Variants in ZC4H2 observed in about 807,000 individuals in gnomAD.
ZC4H2 encodes zinc finger C4H2-type containing.
For synonymous variants in ZC4H2, 84 were observed against 66.3 expected, an observed-to-expected ratio of 1.27 and a Z score of -1.30; for missense variants, 137 against 173.9, an observed-to-expected ratio of 0.79 and a Z score of 1.19.
chrX:64,956,178 C>T (rs1301722295), intron 1 of ZC4H2, among the ~76,000 whole-genome samples: 2 of 111,638 alleles, frequency 1.8e-5, no homozygotes, highest in African/African-American at 3.3e-5. Flanking sequence ...TGGCACTTGT[C>T]GCCTATGGAG....
At chrX:65,017,391 G>A (rs1932804506) in intron 1 of ZC4H2, among the ~76,000 whole-genome samples, 1 of 112,326 alleles carries the variant, frequency 8.9e-6, no homozygotes, top group African/African-American at 3.2e-5. Flanking sequence ...AGTACTGCAT[G>A]GTAGCATAGT....
intron 1 of ZC4H2, among the ~76,000 whole-genome samples, chrX:64,926,602 G>T (rs1033113278): frequency 2.7e-5 from 3 of 111,604 alleles, no homozygotes; most frequent in Admixed American, 1.9e-4. Flanking sequence ...ATCTTAATTT[G>T]CATTTCCCTA....
intron 1 of ZC4H2, among the ~76,000 whole-genome samples, chrX:64,925,968 A>G (rs768509622): frequency 1.8e-5 from 2 of 112,219 alleles, no homozygotes; most frequent in Admixed American, 9.4e-5. Flanking sequence ...GACCCTGACT[A>G]AAGGGCAGAA....
chrX:64,919,150 G>C lies in ZC4H2; in HGVS notation c.453C>G (p.Ile151Met), dbSNP rs757972020. The change falls in exon 4 of 5, where the codon ATC (isoleucine) becomes ATG (methionine). Residue 151 changes from isoleucine (I) to methionine (M), a missense_variant. Physicochemically the swap from Ile to Met is conservative, Grantham distance 10 (BLOSUM62 1). Transcript: ENST00000374839. Reference sequence around the variant, plus strand: ...CGGCTGCAGCGGCCAGGGACTCAGGGATGGGGGGCTCCTGAGGTTCTGTCT... The same window carrying C: ...CGGCTGCAGCGGCCAGGGACTCAGGCATGGGGGGCTCCTGAGGTTCTGTCT... Reference protein sequence around the residue: ...EWQTEPQEPPIPESLAAAAAA... With the variant: ...EWQTEPQEPPMPESLAAAAAA... 8.3e-6 allele frequency: 10 copies of C among 1,210,764 alleles called. No homozygotes were observed. Among genetic ancestry groups the C allele is most frequent in the Non-Finnish European group, 1.1e-5 (10 of 894,944 alleles).
At chrX:64,954,875 C>G (rs1249155384) in intron 1 of ZC4H2, among the ~76,000 whole-genome samples, 1 of 111,246 alleles carries the variant, frequency 9.0e-6, no homozygotes, top group East Asian at 2.8e-4. Flanking sequence ...TGAATAAACT[C>G]CACGGTCTAA....
At chrX:64,965,916 T>A (rs1602425244) in intron 1 of ZC4H2, among the ~76,000 whole-genome samples, 1 of 75,582 alleles carries the variant, frequency 1.3e-5, no homozygotes, top group Non-Finnish European at 2.4e-5. Context: ...CCAGCTTGGG[T>A]GGCGGAGTGA....
chrX:65,034,718 CCAGCGGTGG>C (rs776745900), upstream of ZC4H2: 33 of 113,177 alleles, frequency 2.9e-4, 2 homozygotes, highest in Non-Finnish European at 1.5e-4. Context: ...GACAGCGGCG[CCAGCGGTGG>C]CAGCAGTCGC....
intron 1 of ZC4H2, among the ~76,000 whole-genome samples, chrX:64,946,394 A>G (rs1602406235): frequency 9.0e-6 from 1 of 110,776 alleles, no homozygotes; most frequent in African/African-American, 3.3e-5. Context: ...GTGACACCCC[A>G]CCCTGATTCT....
Position 64,973,700 on chromosome X carries a change from T to G in ZC4H2, c.53+2625A>C, listed in dbSNP as rs1478945314. 3.0e-4 allele frequency among the ~76,000 whole-genome samples: 33 copies of G among 111,494 alleles called. 1 individual carries two copies. Among genetic ancestry groups the G allele is most frequent in the Non-Finnish European group, 1.1e-4 (6 of 53,044 alleles). On this transcript the variant is annotated intron_variant, in intron 1 of 4. Transcript: ENST00000374839. Reference sequence around the variant, plus strand: ...GGGTATATCTAAATTCCTTAGTATTTCTTCATTGGAGAATGTCTTGATTAC... The same window carrying G: ...GGGTATATCTAAATTCCTTAGTATTGCTTCATTGGAGAATGTCTTGATTAC...
At chrX:65,033,270 A>C (rs896007114) in intron 1 of ZC4H2, among the ~76,000 whole-genome samples, 4 of 112,715 alleles carry the variant, frequency 3.5e-5, no homozygotes, top group Non-Finnish European at 7.5e-5. Flanking sequence ...AAAAAGATCA[A>C]GTAAATAAGC....
intron 1 of ZC4H2, among the ~76,000 whole-genome samples, chrX:65,010,596 G>T (rs922245713): frequency 2.7e-5 from 3 of 111,698 alleles, no homozygotes; most frequent in Non-Finnish European, 3.8e-5. Flanking sequence ...CTTTGTAAAA[G>T]AGCCACAAAT....
At chrX:65,024,740 G>A (rs951223190) in intron 1 of ZC4H2, among the ~76,000 whole-genome samples, 8 of 111,779 alleles carry the variant, frequency 7.2e-5, no homozygotes, top group Admixed American at 9.5e-5. Flanking sequence ...TGTCTTTTTC[G>A]CAACATGAAT....
At chrX:65,022,568 C>T (rs781386614) in intron 1 of ZC4H2, among the ~76,000 whole-genome samples, 3 of 111,922 alleles carry the variant, frequency 2.7e-5, no homozygotes, top group Non-Finnish European at 5.6e-5. Context: ...CAGCCAATAT[C>T]ATACTGAATG....
intron 1 of ZC4H2, among the ~76,000 whole-genome samples, chrX:64,945,604 G>A (rs1003307720): frequency 1.8e-5 from 2 of 111,456 alleles, no homozygotes; most frequent in African/African-American, 6.5e-5. Context: ...CATAGCTCTA[G>A]CACTCTGATG....
At chrX:65,003,171 C>T (rs968359136) in intron 1 of ZC4H2, among the ~76,000 whole-genome samples, 1 of 107,542 alleles carries the variant, frequency 9.3e-6, no homozygotes, top group Non-Finnish European at 1.9e-5. Flanking sequence ...GAACAATCTG[C>T]TCCTGAATGA....
intron 1 of ZC4H2, among the ~76,000 whole-genome samples, chrX:65,014,313 T>G (rs1046910596): frequency 7.2e-5 from 8 of 111,725 alleles, no homozygotes; most frequent in Non-Finnish European, 1.3e-4. Flanking sequence ...ACACTTATAA[T>G]TCACACTAGT....
intron 1 of ZC4H2, among the ~76,000 whole-genome samples, chrX:64,962,240 G>A (rs1442477315): frequency 1.8e-5 from 2 of 111,779 alleles, no homozygotes; most frequent in Admixed American, 9.5e-5. Context: ...TCCCTGTGAT[G>A]TGAGGAGAGA....
At chrX:64,940,187 G>A (rs993957100) in intron 1 of ZC4H2, among the ~76,000 whole-genome samples, 4 of 111,861 alleles carry the variant, frequency 3.6e-5, no homozygotes, top group Middle Eastern at 4.6e-3. Context: ...TCATATGTTT[G>A]TTGGCCACAT....
At position 64,927,910 on chromosome X, in the gene ZC4H2, G is replaced by T. The variant is rs140115490; in HGVS notation, c.54-5922C>A. On this transcript the variant is annotated intron_variant, in intron 1 of 4. Transcript: ENST00000374839. ...ATGAGCTTTTTTCATATGTTTGACGGCCACTTAAGTGTCTTCTTTTGAGAA... is the reference window on the plus strand; with the variant it reads ...ATGAGCTTTTTTCATATGTTTGACGTCCACTTAAGTGTCTTCTTTTGAGAA... 2.2e-4 allele frequency among the ~76,000 whole-genome samples: 25 copies of T among 112,295 alleles called. No individual in the cohort carries two copies. The East Asian group carries it at 7.0e-3, about 31-fold the overall frequency.
Sources: gnomAD v4.1 joint callset for allele counts (sites outside exome capture counted in the v4.1 genomes callset) on GRCh38, gnomAD v4.1.1 for gene constraint, MANE v1.5 for transcripts, NCBI Gene and HGNC (gene_info 2026-07-23, HGNC 2026-07-21) for gene names.